The following ST6GALNAC3 variants were observed in gnomAD, a reference collection of about 807,000 sequenced individuals.
ST6GALNAC3 encodes alpha-N-acetylgalactosaminide alpha-2,6-sialyltransferase 3.
A neutral mutation model predicts 32.7 loss-of-function variants in ST6GALNAC3; 25 were observed. That is an observed-to-expected ratio of 0.76 (90% CI 0.56 to 1.07). The LOEUF (loss-of-function observed/expected upper bound fraction) is 1.07, where lower values mean the gene tolerates loss of function less well. Ranked by LOEUF, ST6GALNAC3 falls within the 50% of genes least tolerant of loss-of-function variation. The probability of loss-of-function intolerance (pLI) is 0.00; values close to 1 mark genes in which losing one functional copy is unlikely to be tolerated. For synonymous variants in ST6GALNAC3, 129 were observed against 133.1 expected (o/e 0.97, Z 0.21); for missense variants, 355 against 382.4 (o/e 0.93, Z 0.60).
At chr1:76,564,722 A>C (rs1437857876) in intron 3 of ST6GALNAC3, among the ~76,000 whole-genome samples, 1 of 151,650 alleles carries the variant, frequency 6.6e-6, no homozygotes, top group East Asian at 1.9e-4. Flanking sequence ...AGTAGCTGGG[A>C]CTATAGGCGC....
chr1:76,517,950 T>C (rs892656559), intron 3 of ST6GALNAC3, among the ~76,000 whole-genome samples: 1 of 152,078 alleles, frequency 6.6e-6, no homozygotes, highest in African/African-American at 2.4e-5. Flanking sequence ...TAAAATTATT[T>C]TGTGGCCTTA....
intron 3 of ST6GALNAC3, among the ~76,000 whole-genome samples, chr1:76,505,290 T>C (rs1221596480): frequency 1.3e-5 from 2 of 152,030 alleles, no homozygotes; most frequent in Non-Finnish European, 2.9e-5. Flanking sequence ...GCCCAGCTAA[T>C]TTTTTGTATT....
intron 2 of ST6GALNAC3, among the ~76,000 whole-genome samples, chr1:76,346,145 T>C (rs1340546621): frequency 6.6e-6 from 1 of 152,182 alleles, no homozygotes; most frequent in Non-Finnish European, 1.5e-5. Flanking sequence ...GCCTCCAGAT[T>C]ATGAGTACAG....
chr1:76,363,259 T>G (rs1650108123), intron 2 of ST6GALNAC3, among the ~76,000 whole-genome samples: 1 of 152,218 alleles, frequency 6.6e-6, no homozygotes, highest in South Asian at 2.1e-4. Context: ...TCCCACTAGA[T>G]ACTGTAAATC....
intron 1 of ST6GALNAC3, among the ~76,000 whole-genome samples, chr1:76,176,270 C>G (rs915450282): frequency 1.3e-5 from 2 of 152,170 alleles, no homozygotes; most frequent in African/African-American, 4.8e-5. Flanking sequence ...AGATGAAAGC[C>G]CACTGCCCAG....
chr1:76,570,645 G>A (rs987903236), intron 3 of ST6GALNAC3, among the ~76,000 whole-genome samples: 1 of 151,946 alleles, frequency 6.6e-6, no homozygotes, highest in Non-Finnish European at 1.5e-5. Flanking sequence ...ATCTTATGTT[G>A]CTAAGGCTTA....
Position 76,609,700 on chromosome 1 carries a change from G to A in ST6GALNAC3, c.624-17752G>A, listed in dbSNP as rs534926117. On this transcript the variant is annotated intron_variant, in intron 3 of 4. Coordinates refer to ENST00000328299, the MANE Select transcript of ST6GALNAC3 (RefSeq NM_152996.4). ...TTCTTAAAGATTAATTAGCTCATTA[G>A]CATATTAAAGATACTGAGAAGTCCA... Among the ~76,000 whole-genome samples the A allele has an allele frequency of 4.6e-5, 7 of 152,224 alleles. No individual in the cohort carries two copies. In the South Asian group the frequency reaches 1.5e-3, roughly 32 times the overall value.
chr1:76,402,119 A>T (rs1388006534), intron 2 of ST6GALNAC3, among the ~76,000 whole-genome samples: 1 of 152,100 alleles, frequency 6.6e-6, no homozygotes, highest in African/African-American at 2.4e-5. Flanking sequence ...CAAAGTTCTC[A>T]TGATGGTACT....
At chr1:76,614,025 G>A (rs1037425564) in intron 3 of ST6GALNAC3, among the ~76,000 whole-genome samples, 1 of 152,164 alleles carries the variant, frequency 6.6e-6, no homozygotes, top group East Asian at 1.9e-4. Context: ...TCAGCAAAAT[G>A]CTTAAAATGT....
intron 2 of ST6GALNAC3, among the ~76,000 whole-genome samples, chr1:76,342,175 T>G (rs1176157653): frequency 1.3e-5 from 2 of 152,200 alleles, no homozygotes; most frequent in African/African-American, 4.8e-5. Flanking sequence ...AACATACGTG[T>G]GTATGTGTCT....
intron 2 of ST6GALNAC3, among the ~76,000 whole-genome samples, chr1:76,391,148 G>A (rs12144245): frequency 0.083 from 12,551 of 151,878 alleles, 1,344 homozygotes; most frequent in African/African-American, 0.25. Context: ...CACCGTGTTA[G>A]CCAGGATGGT....
chr1:76,187,532 C>T (rs1570365387), intron 1 of ST6GALNAC3, among the ~76,000 whole-genome samples: 1 of 152,120 alleles, frequency 6.6e-6, no homozygotes, highest in East Asian at 1.9e-4. Context: ...GGAATTCAGG[C>T]AGCTATGTTT....
At chr1:76,254,801 C>G (rs879918603) in intron 1 of ST6GALNAC3, among the ~76,000 whole-genome samples, 1 of 152,014 alleles carries the variant, frequency 6.6e-6, no homozygotes, top group African/African-American at 2.4e-5. Context: ...ATTCATGAAT[C>G]CGTTCGCATC....
intron 3 of ST6GALNAC3, among the ~76,000 whole-genome samples, chr1:76,471,864 C>T (rs61771550): frequency 6.6e-6 from 1 of 151,614 alleles, no homozygotes; most frequent in Non-Finnish European, 1.5e-5. Context: ...GGATTTGGGT[C>T]CCCTTTTTTT....
At chr1:76,436,598 T>C (rs2101477696) in intron 3 of ST6GALNAC3, among the ~76,000 whole-genome samples, 1 of 152,280 alleles carries the variant, frequency 6.6e-6, no homozygotes, top group East Asian at 1.9e-4. Context: ...AAAACATAAA[T>C]GTTGGGGCTT....
chr1:76,447,249 G>C (rs1358586837), intron 3 of ST6GALNAC3, among the ~76,000 whole-genome samples: 1 of 152,178 alleles, frequency 6.6e-6, no homozygotes, highest in Non-Finnish European at 1.5e-5. Flanking sequence ...TTTTGCCCCT[G>C]TCCTAGAAAT....
At chr1:76,326,826 G>GTTTTTTTTT (rs11331532) in intron 2 of ST6GALNAC3, among the ~76,000 whole-genome samples, 1 of 113,404 alleles carries the variant, frequency 8.8e-6, no homozygotes, top group Non-Finnish European at 1.7e-5. Context: ...GAAGTTTTGG[G>GTTTTTTTTT]TTTTTTTTTT....
chr1:76,403,459 G>C (rs1403143223), intron 2 of ST6GALNAC3, among the ~76,000 whole-genome samples: 2 of 151,994 alleles, frequency 1.3e-5, no homozygotes, highest in Non-Finnish European at 2.9e-5. Context: ...AAACATTATG[G>C]TCTCCTCTCT....
At chr1:76,084,703 A>G (rs1646942652) in intron 1 of ST6GALNAC3, among the ~76,000 whole-genome samples, 1 of 152,144 alleles carries the variant, frequency 6.6e-6, no homozygotes, top group African/African-American at 2.4e-5. Context: ...GCTTAGAGAA[A>G]ATCTGTTTGT....
Sources: gnomAD v4.1 joint callset for allele counts (sites outside exome capture counted in the v4.1 genomes callset) on GRCh38, gnomAD v4.1.1 for gene constraint, MANE v1.5 for transcripts, NCBI Gene and HGNC (gene_info 2026-07-23, HGNC 2026-07-21) for gene names.